Variants in TMEM132D observed in about 807,000 individuals in gnomAD.
The protein encoded by TMEM132D is mature OL transmembrane protein.
Under a neutral mutation model 62.3 loss-of-function variants are expected in TMEM132D, and 21 were observed. The ratio of observed to expected loss-of-function variants is 0.34; its 90% CI spans 0.24 to 0.49. TMEM132D has a LOEUF of 0.49. TMEM132D is among the 20% of genes least tolerant of loss of function. The pLI, the probability that TMEM132D is intolerant of heterozygous loss-of-function variation, is 0.99. For synonymous variants in TMEM132D, 621 were observed against 575.6 expected (o/e 1.08, Z -1.13); for missense variants, 1,346 against 1,402.8 (o/e 0.96, Z 0.65).
intron 1 of TMEM132D, among the ~76,000 whole-genome samples, chr12:129,872,845 A>G (rs1485907707): frequency 8.5e-5 from 13 of 152,196 alleles, no homozygotes; most frequent in Non-Finnish European, 1.6e-4. Flanking sequence ...CTCATGCAAG[A>G]TTCAAATATG....
At chr12:129,200,446 A>G (rs1402260600) in intron 5 of TMEM132D, among the ~76,000 whole-genome samples, 1 of 152,200 alleles carries the variant, frequency 6.6e-6, no homozygotes, top group East Asian at 1.9e-4. Context: ...TCTTCCCTGC[A>G]GGTGACACAG....
chr12:129,572,823 T>C (rs1467104469), intron 2 of TMEM132D, among the ~76,000 whole-genome samples: 1 of 152,080 alleles, frequency 6.6e-6, no homozygotes, highest in African/African-American at 2.4e-5. Context: ...CCTTAGATTC[T>C]TTTCCTTGGA....
chr12:129,159,706 A>G (rs1877343605), intron 5 of TMEM132D, among the ~76,000 whole-genome samples: 2 of 145,006 alleles, frequency 1.4e-5, no homozygotes, highest in South Asian at 4.4e-4. Flanking sequence ...GGTTGCAGTG[A>G]GCCTAGATTG....
intron 4 of TMEM132D, 107 bp downstream of exon 4, chr12:129,337,527 T>G: frequency 2.2e-6 from 3 of 1,368,220 alleles, no homozygotes; most frequent in Non-Finnish European, 2.0e-6. Context: ...ACTGTCCTGA[T>G]TCTTGGCTCC....
chr12:129,550,843 A>T (rs7295012), intron 2 of TMEM132D, among the ~76,000 whole-genome samples: 103,311 of 152,002 alleles, frequency 0.68, 35,362 homozygotes, highest in African/African-American at 0.75. Context: ...TCCTAACCCT[A>T]GCACCCTTCC....
rs117244439 is a variant in TMEM132D, at chr12:129,643,341, G to A, written c.968+56469C>T. Among the ~76,000 whole-genome samples, 186 of 152,212 alleles carry A rather than the reference G, an allele frequency of 1.2e-3. 6 individuals are homozygous for A. The East Asian group carries it at 0.031, about 26-fold the overall frequency. On this transcript the variant is annotated intron_variant, in intron 2 of 8. Transcript: ENST00000422113. Reference sequence around the variant, plus strand: ...CTAGCGCAGTGTTTGGCAAACTACAGCCCACTCACCAAACCCAGCCCACCG... The same window carrying A: ...CTAGCGCAGTGTTTGGCAAACTACAACCCACTCACCAAACCCAGCCCACCG...
chr12:129,096,696 T>G (rs554591314), intron 5 of TMEM132D, among the ~76,000 whole-genome samples: 1 of 152,294 alleles, frequency 6.6e-6, no homozygotes, highest in Admixed American at 6.5e-5. Flanking sequence ...TCAGCCACAG[T>G]GGGCCTCTTA....
intron 5 of TMEM132D, among the ~76,000 whole-genome samples, chr12:129,115,444 TGA>T (rs141884448): frequency 1.2e-3 from 183 of 152,242 alleles, no homozygotes; most frequent in African/African-American, 4.2e-3. Flanking sequence ...GCTGTGGATA[TGA>T]GAGAGGCACT....
intron 4 of TMEM132D, among the ~76,000 whole-genome samples, chr12:129,268,639 G>A (rs1880762990): frequency 6.6e-6 from 1 of 151,784 alleles, no homozygotes; most frequent in African/African-American, 2.4e-5. Flanking sequence ...ATTCCTCAAG[G>A]ATCTAGAACC....
intron 4 of TMEM132D, among the ~76,000 whole-genome samples, chr12:129,337,390 G>A (rs188371605): frequency 1.3e-5 from 2 of 151,294 alleles, no homozygotes; most frequent in African/African-American, 4.8e-5. Flanking sequence ...TAAATAATAC[G>A]TTAAGAAAAT....
At chr12:129,401,356 C>T (rs1216033622) in intron 3 of TMEM132D, among the ~76,000 whole-genome samples, 1 of 152,072 alleles carries the variant, frequency 6.6e-6, no homozygotes, top group Non-Finnish European at 1.5e-5. Flanking sequence ...TGCTTGAGGC[C>T]AGGAGTTTGA....
chr12:129,463,297 T>C (rs1216625624), intron 3 of TMEM132D, among the ~76,000 whole-genome samples: 1 of 152,070 alleles, frequency 6.6e-6, no homozygotes, highest in African/African-American at 2.4e-5. Context: ...TGCCATTTTA[T>C]TTTGGGTCTC....
chr12:129,306,091 C>T (rs559444014), intron 4 of TMEM132D, among the ~76,000 whole-genome samples: 1 of 152,254 alleles, frequency 6.6e-6, no homozygotes, highest in Admixed American at 6.5e-5. Flanking sequence ...TTCTTTTTCT[C>T]TGACAATGTT....
rs532931433 is a variant in TMEM132D, at chr12:129,533,835, C to G, written c.969-2630G>C. Among the ~76,000 whole-genome samples, 5 of 152,302 alleles carry G rather than the reference C, an allele frequency of 3.3e-5. No homozygotes were observed. The East Asian group carries it at 9.6e-4, about 29-fold the overall frequency. ...CACAGAACATTTTCATAATAGAACA[C>G]ACATTTCTAGGGCATGTTTTAGATG... On this transcript the variant is annotated intron_variant, in intron 2 of 8. Transcript: ENST00000422113.
intron 3 of TMEM132D, among the ~76,000 whole-genome samples, chr12:129,411,090 C>T (rs1028575423): frequency 2.6e-5 from 4 of 152,098 alleles, no homozygotes; most frequent in South Asian, 2.1e-4. Flanking sequence ...TTTATCAACT[C>T]ATTATTTTAT....
In TMEM132D at chr12:129,073,028, A is replaced by T. The variant is rs1160890598; in HGVS notation, c.*847T>A. ...AAACTGCCCTCTCCCTCCCCCACCC[A>T]CAGGTGACCAACGGCTTTGGGGAGG... On this transcript the variant is annotated 3_prime_UTR_variant, in exon 9 of 9. Coordinates refer to ENST00000422113, the MANE Select transcript of TMEM132D (RefSeq NM_133448.3). The T allele has an allele frequency of 6.6e-6, 1 of 152,184 alleles. No individual in the cohort carries two copies. The highest frequency in any genetic ancestry group is 1.9e-4 in the East Asian group (1 of 5,186). 9.4% of individuals were successfully genotyped at this position (152,184 alleles called of 1,614,324 possible).
intron 5 of TMEM132D, among the ~76,000 whole-genome samples, chr12:129,136,623 AATCATCATCACCATCACAATCACC>A (rs1876565734): frequency 1.3e-5 from 2 of 151,920 alleles, no homozygotes; most frequent in Admixed American, 6.6e-5. Context: ...CCATCATCAT[AATCATCATCACCATCACAATCACC>A]ATCATCATCA....
intron 5 of TMEM132D, among the ~76,000 whole-genome samples, chr12:129,182,756 A>C (rs1878104207): frequency 6.6e-6 from 1 of 152,248 alleles, no homozygotes; most frequent in Admixed American, 6.5e-5. Flanking sequence ...TCAAGTTGAC[A>C]CATAAAATTA....
Position 129,407,342 on chromosome 12 carries a change from C to T in TMEM132D, c.1116-69525G>A, listed in dbSNP as rs886681276. On this transcript the variant is annotated intron_variant, in intron 3 of 8. Coordinates refer to ENST00000422113, the MANE Select transcript of TMEM132D (RefSeq NM_133448.3). ...CTTGTAACACTCTTTGTCACTTCTTCGTCTGTCAGAATTCTGGGATCCTTG... is the reference window on the plus strand; with the variant it reads ...CTTGTAACACTCTTTGTCACTTCTTTGTCTGTCAGAATTCTGGGATCCTTG... Among the ~76,000 whole-genome samples the T allele has an allele frequency of 1.3e-4, 20 of 152,094 alleles. 1 individual carries two copies. The highest frequency in any genetic ancestry group is 7.4e-5 in the Non-Finnish European group (5 of 68,018).
Sources: allele counts gnomAD v4.1 joint callset (sites outside exome capture counted in the v4.1 genomes callset), GRCh38; gene constraint gnomAD v4.1.1; transcripts MANE v1.5; gene names NCBI Gene and HGNC (gene_info 2026-07-23, HGNC 2026-07-21).